Variants in SLIT3 observed in about 807,000 individuals in gnomAD.
The protein encoded by SLIT3 is slit guidance ligand 3.
In SLIT3, 68 loss-of-function variants were observed where a neutral mutation model predicts 184.0. That is an observed-to-expected ratio of 0.37 (90% CI 0.30 to 0.45). The LOEUF is 0.45. Ranked by LOEUF, SLIT3 falls within the 20% of genes least tolerant of loss-of-function variation. The pLI is 1.00. For missense variants in SLIT3, 1,707 were observed against 2,026.0 expected, an observed-to-expected ratio of 0.84 and a Z score of 3.02; for synonymous variants, 831 against 828.6, an observed-to-expected ratio of 1.00 and a Z score of -0.05.
chr5:168,910,537 A>G (rs1413564084), intron 4 of SLIT3, among the ~76,000 whole-genome samples: 1 of 151,974 alleles, frequency 6.6e-6, no homozygotes, highest in African/African-American at 2.4e-5. Context: ...AGGTCAGGAG[A>G]TGGAGACCAT....
intron 1 of SLIT3, among the ~76,000 whole-genome samples, chr5:169,285,129 T>C (rs151185038): frequency 4.7e-4 from 72 of 152,120 alleles, no homozygotes; most frequent in African/African-American, 1.5e-3. Context: ...GTAGCTCAGG[T>C]AGGTGTCAAA....
intron 4 of SLIT3, among the ~76,000 whole-genome samples, chr5:169,124,121 GC>G (rs1038486486): frequency 2.0e-5 from 3 of 152,138 alleles, no homozygotes; most frequent in African/African-American, 7.2e-5. Flanking sequence ...TCTGTAAAGG[GC>G]CCCCTTTTTT....
At chr5:169,110,355 A>G (rs1387643842) in intron 4 of SLIT3, among the ~76,000 whole-genome samples, 1 of 152,210 alleles carries the variant, frequency 6.6e-6, no homozygotes, top group Non-Finnish European at 1.5e-5. Context: ...AAGTAGGTGC[A>G]ATTTATAGTC....
chr5:168,972,934 T>C (rs893901423), intron 4 of SLIT3, among the ~76,000 whole-genome samples: 2 of 152,302 alleles, frequency 1.3e-5, no homozygotes. Flanking sequence ...ATGGATTCTT[T>C]TCCTCTTTAG....
At chr5:168,992,254 G>A (rs1013569342) in intron 4 of SLIT3, among the ~76,000 whole-genome samples, 7 of 152,138 alleles carry the variant, frequency 4.6e-5, no homozygotes, top group African/African-American at 9.6e-5. Flanking sequence ...GGTTGCTCAC[G>A]CTCCCAGCCA....
chr5:169,187,261 C>T (rs1763383011), intron 4 of SLIT3, among the ~76,000 whole-genome samples: 2 of 151,868 alleles, frequency 1.3e-5, no homozygotes, highest in African/African-American at 4.8e-5. Context: ...TACATGCACG[C>T]ACCACCACAC....
At chr5:169,024,381 G>A (rs776142056) in intron 4 of SLIT3, 3 of 152,202 alleles carry the variant, frequency 2.0e-5, no homozygotes, top group Non-Finnish European at 4.4e-5. Context: ...CATGAGCCGT[G>A]GGAAGACAGA....
chr5:168,991,045 G>A (rs533321361), intron 4 of SLIT3, among the ~76,000 whole-genome samples: 1 of 152,136 alleles, frequency 6.6e-6, no homozygotes, highest in South Asian at 2.1e-4. Flanking sequence ...AAAGGTAAAG[G>A]AATTTATCTG....
chr5:168,975,356 C>T (rs1164561092), intron 4 of SLIT3, among the ~76,000 whole-genome samples: 4 of 152,200 alleles, frequency 2.6e-5, no homozygotes, highest in Admixed American at 2.6e-4. Context: ...TCAGTGCATA[C>T]ATCATCAGGG....
At chr5:168,830,672 T>A (rs1230147657) in intron 6 of SLIT3, among the ~76,000 whole-genome samples, 1 of 152,152 alleles carries the variant, frequency 6.6e-6, no homozygotes, top group Non-Finnish European at 1.5e-5. Flanking sequence ...CTCCCAACAC[T>A]CCTGAGATAT....
At position 168,762,597 on chromosome 5, in the gene SLIT3, A is replaced by T. The variant is rs770518799; in HGVS notation, c.1552T>A (p.Cys518Ser). The change falls in exon 15 of 36, where the codon TGC (cysteine) becomes AGC (serine). Residue 518 changes from cysteine to serine, a missense_variant. Around this residue, in one of 3 missense-constraint regions of SLIT3, gnomAD observed 1,307 missense variants for 1,511.6 expected, o/e 0.86. Coordinates refer to ENST00000519560, the MANE Select transcript of SLIT3 (RefSeq NM_003062.4). ...KCRCEGTIVD[C>S]SNQKLVRIPS... ...ATGCGGACCAGCTTCTGGTTGGAGC[A>T]GTCCACAATCGTGCCCTCACAGCGA... is the stretch of plus-strand genomic sequence containing the variant. 6.2e-7 allele frequency: 1 copy of T among 1,614,086 alleles called. No individual in the cohort carries two copies. The highest frequency in any genetic ancestry group is 8.5e-7 in the Non-Finnish European group (1 of 1,180,018).
At chr5:168,727,925 C>A (rs1448587178) in intron 20 of SLIT3, among the ~76,000 whole-genome samples, 1 of 152,128 alleles carries the variant, frequency 6.6e-6, no homozygotes, top group Admixed American at 6.6e-5. Flanking sequence ...AGCTTGGAGG[C>A]AGGAGCTGGA....
chr5:168,761,114 G>A (rs1755130995), intron 15 of SLIT3, among the ~76,000 whole-genome samples, 178 bp from the exon 16 acceptor site: 1 of 152,192 alleles, frequency 6.6e-6, no homozygotes, highest in African/African-American at 2.4e-5. Flanking sequence ...GGAGGCATAT[G>A]CAGTGCTGCT....
At chr5:169,169,039 G>GA (rs139421961) in intron 4 of SLIT3, among the ~76,000 whole-genome samples, 14,423 of 56,260 alleles carry the variant, frequency 0.26, 846 homozygotes, top group Non-Finnish European at 0.38. Context: ...GCCCAGAGTG[G>GA]GGGGGGGATC....
intron 3 of SLIT3, among the ~76,000 whole-genome samples, chr5:169,232,022 T>C (rs1765021868): frequency 6.6e-6 from 1 of 152,240 alleles, no homozygotes; most frequent in Non-Finnish European, 1.5e-5. Context: ...TTTTTCTTAT[T>C]GATTTGTAGG....
chr5:168,920,940 G>A (rs142368154), intron 4 of SLIT3, among the ~76,000 whole-genome samples: 4 of 152,032 alleles, frequency 2.6e-5, no homozygotes, highest in East Asian at 1.9e-4. Flanking sequence ...TATATCCTAC[G>A]GGATAACTGC....
intron 4 of SLIT3, among the ~76,000 whole-genome samples, chr5:169,115,848 C>T (rs1326845037): frequency 2.6e-5 from 4 of 152,142 alleles, no homozygotes; most frequent in African/African-American, 7.2e-5. Context: ...ACACTTGAGC[C>T]GGTGCTCCTG....
At chr5:168,880,383 T>A (rs2113783816) in intron 5 of SLIT3, among the ~76,000 whole-genome samples, 1 of 152,256 alleles carries the variant, frequency 6.6e-6, no homozygotes, top group South Asian at 2.1e-4. Context: ...AATCACACAC[T>A]CTTCTGCCCC....
intron 32 of SLIT3, among the ~76,000 whole-genome samples, chr5:168,682,658 G>A (rs1305949961): frequency 6.6e-6 from 1 of 152,212 alleles, no homozygotes; most frequent in Non-Finnish European, 1.5e-5. Flanking sequence ...CTTCAACACT[G>A]CAGGGCGGTT....
Sources: gnomAD v4.1 joint callset for allele counts (sites outside exome capture counted in the v4.1 genomes callset) on GRCh38, gnomAD v4.1.1 for gene constraint, gnomAD v4.1.1 regional missense constraint, MANE v1.5 for transcripts, NCBI Gene and HGNC (gene_info 2026-07-23, HGNC 2026-07-21) for gene names.